Variants in ERN1 observed in about 807,000 individuals in gnomAD.
ERN1 encodes the protein serine/threonine-protein kinase/endoribonuclease IRE1.
In ERN1, 39 loss-of-function variants were observed where a neutral mutation model predicts 113.1. The ratio of observed to expected loss-of-function variants is 0.34; its 90% CI spans 0.27 to 0.45. ERN1 has a LOEUF of 0.45. Ranked by LOEUF, ERN1 falls within the 20% of genes least tolerant of loss-of-function variation. The pLI is 1.00. For missense variants in ERN1, 976 were observed against 1,274.8 expected (o/e 0.77, Z 3.57); for synonymous variants, 507 against 515.9 (o/e 0.98, Z 0.23).
intron 1 of ERN1, 56 bp from the exon 2 acceptor site, chr17:64,098,297 G>A (rs762215671): frequency 6.2e-7 from 1 of 1,607,402 alleles, no homozygotes; most frequent in South Asian, 1.1e-5. Flanking sequence ...CCTTGGGCAT[G>A]TACAATCACA....
At chr17:64,069,254 A>G (rs1203875343) in intron 6 of ERN1, among the ~76,000 whole-genome samples, 1 of 152,232 alleles carries the variant, frequency 6.6e-6, no homozygotes, top group East Asian at 1.9e-4. Flanking sequence ...TCCAAAGTCT[A>G]GAAACTTGTG....
intron 1 of ERN1, among the ~76,000 whole-genome samples, chr17:64,119,376 G>GTTGTTTTTTGTTTTTTTTTTTTTTT (rs777806993): frequency 1.3e-5 from 1 of 77,896 alleles, no homozygotes; most frequent in African/African-American, 5.6e-5. Context: ...TTTTTTCTAG[G>GTTGTTTTTTGTTTTTTTTTTTTTTT]TTTTTTTTTT....
chr17:64,117,082 C>T (rs1198710544), intron 1 of ERN1, among the ~76,000 whole-genome samples: 1 of 149,674 alleles, frequency 6.7e-6, no homozygotes, highest in African/African-American at 2.5e-5. Flanking sequence ...ACTGCCCTCA[C>T]TCCAGCCTCA....
chr17:64,049,339 G>C lies in ERN1; in HGVS notation c.2254-137C>G. On this transcript the variant is annotated intron_variant, in intron 17 of 21. Coordinates refer to ENST00000433197, the MANE Select transcript of ERN1 (RefSeq NM_001433.5). The surrounding 1 kb of genome is among the most constrained non-coding windows in gnomAD (Gnocchi z 4.7). ...GAGAATCAGCTGACATATGTGAGCT[G>C]CACAGAGCAGCGAGGGCTAACCTGC... is the stretch of plus-strand genomic sequence containing the variant. 2.2e-6 allele frequency: 2 copies of C among 895,364 alleles called. No individual in the cohort carries two copies. The highest frequency in any genetic ancestry group is 3.2e-6 in the Non-Finnish European group (2 of 626,292). 55.5% of individuals were successfully genotyped at this position (895,364 alleles called of 1,614,324 possible). A position where few individuals can be genotyped will look rare whatever the true frequency, so the allele number is the denominator to read the frequency against.
chr17:64,053,883 G>A (rs767128891), intron 15 of ERN1: 16 of 211,112 alleles, frequency 7.6e-5, no homozygotes. Flanking sequence ...TGGTTAAATG[G>A]GTATAGACAT....
At position 64,072,504 on chromosome 17, in the gene ERN1, C is replaced by T. The variant is rs188777961; in HGVS notation, c.356-401G>A. ...GCCCAGGGGTTCATCTCCCTAATAA[C>T]CATCATTCACATTTCTCAACCTCCC... On this transcript the variant is annotated intron_variant, in intron 5 of 21. Transcript: ENST00000433197. Among the ~76,000 whole-genome samples the T allele has an allele frequency of 1.9e-3, 290 of 152,342 alleles. 1 individual carries two copies. The highest frequency in any genetic ancestry group is 3.6e-3 in the Non-Finnish European group (243 of 68,040).
chr17:64,105,055 GTC>G (rs1914488734), intron 1 of ERN1, among the ~76,000 whole-genome samples: 1 of 152,224 alleles, frequency 6.6e-6, no homozygotes, highest in South Asian at 2.1e-4. Context: ...GAACAAGAGA[GTC>G]ACACACTTCT....
chr17:64,116,337 G>A (rs879580935), intron 1 of ERN1, among the ~76,000 whole-genome samples: 3 of 152,164 alleles, frequency 2.0e-5, no homozygotes, highest in Non-Finnish European at 1.5e-5. Flanking sequence ...CTTAGGGTCC[G>A]TTTTACAAGC....
At chr17:64,127,485 G>A (rs1915110467) in intron 1 of ERN1, among the ~76,000 whole-genome samples, 1 of 152,144 alleles carries the variant, frequency 6.6e-6, no homozygotes, top group Admixed American at 6.5e-5. Context: ...CGGGTGCGGT[G>A]GCTCATGCCT....
intron 6 of ERN1, among the ~76,000 whole-genome samples, chr17:64,068,725 A>T (rs368480734): frequency 1.3e-5 from 2 of 152,316 alleles, no homozygotes; most frequent in East Asian, 1.9e-4. Flanking sequence ...GCTGATAAAA[A>T]GGTTGGTGGA....
chr17:64,085,485 A>G (rs1273611581), intron 2 of ERN1, among the ~76,000 whole-genome samples: 3 of 152,176 alleles, frequency 2.0e-5, no homozygotes, highest in African/African-American at 7.2e-5. Context: ...GCCATTCATG[A>G]GGGATCCACC....
rs192482847 is a variant in ERN1 at position 64,121,517 on chromosome 17, G to A, written c.54+8459C>T. On this transcript the variant is annotated intron_variant, in intron 1 of 21. Coordinates refer to ENST00000433197, the MANE Select transcript of ERN1 (RefSeq NM_001433.5). ...AATTTTTTGTTGTTGTTGTTGAGAC[G>A]GAGTCTCTGTTGCCCAGGCTGGAGT... Among the ~76,000 whole-genome samples the A allele has an allele frequency of 3.5e-3, 534 of 152,242 alleles. 3 individuals are homozygous for A. Among genetic ancestry groups the A allele is most frequent in the African/African-American group, 0.012 (511 of 41,546 alleles).
intron 2 of ERN1, among the ~76,000 whole-genome samples, chr17:64,083,962 T>C (rs1567874390): frequency 6.6e-6 from 1 of 152,158 alleles, no homozygotes; most frequent in Non-Finnish European, 1.5e-5. Flanking sequence ...TTGTCCCCAC[T>C]CCCTCCTCCA....
At chr17:64,082,451 C>A (rs1913796002) in intron 2 of ERN1, among the ~76,000 whole-genome samples, 1 of 152,136 alleles carries the variant, frequency 6.6e-6, no homozygotes, top group Admixed American at 6.5e-5. Flanking sequence ...GGCATGCAAG[C>A]CAAGAAGAGC....
intron 4 of ERN1, among the ~76,000 whole-genome samples, chr17:64,075,482 G>C (rs1305215718): frequency 6.6e-6 from 1 of 152,058 alleles, no homozygotes; most frequent in African/African-American, 2.4e-5. Context: ...GCCCAGGCTG[G>C]AGTGCAGTGG....
chr17:64,064,666 C>G (rs1477932874), intron 9 of ERN1, among the ~76,000 whole-genome samples: 1 of 152,176 alleles, frequency 6.6e-6, no homozygotes, highest in Non-Finnish European at 1.5e-5. Flanking sequence ...AGGATTATGA[C>G]GCCTTGGACT....
chr17:64,062,617 C>T (rs887289923), intron 10 of ERN1, among the ~76,000 whole-genome samples: 1 of 152,190 alleles, frequency 6.6e-6, no homozygotes, highest in Non-Finnish European at 1.5e-5. Flanking sequence ...TCCCTGCCCC[C>T]ATATTTTCTG....
chr17:64,079,803 C>A (rs570966778), intron 3 of ERN1, 69 bp from the exon 4 acceptor site: 6 of 1,253,510 alleles, frequency 4.8e-6, no homozygotes, highest in South Asian at 1.3e-5. Context: ...ACCAAAGCCA[C>A]GCAAACCCAT....
intron 1 of ERN1, among the ~76,000 whole-genome samples, chr17:64,122,303 A>C (rs1914975312): frequency 6.6e-6 from 1 of 152,162 alleles, no homozygotes; most frequent in Non-Finnish European, 1.5e-5. Flanking sequence ...GTAATGCCTG[A>C]GAGAGGGTGC....
Sources: allele counts gnomAD v4.1 joint callset (sites outside exome capture counted in the v4.1 genomes callset), GRCh38; gene constraint gnomAD v4.1.1; non-coding constraint Gnocchi (gnomAD v3.1); transcripts MANE v1.5; gene names NCBI Gene and HGNC (gene_info 2026-07-23, HGNC 2026-07-21).